The following GNL2 variants were observed in gnomAD, a reference collection of about 807,000 sequenced individuals.
The protein encoded by GNL2 is nucleolar GTP-binding protein 2.
In GNL2, 51 loss-of-function variants were observed where a neutral mutation model predicts 92.3. The observed-to-expected ratio is 0.55, with a 90% CI of 0.44 to 0.70. GNL2 has a LOEUF of 0.70. Ranked by LOEUF, GNL2 falls within the 30% of genes least tolerant of loss-of-function variation. GNL2 has a pLI of 0.00. For synonymous variants in GNL2, 283 were observed against 300.6 expected (o/e 0.94, Z 0.61); for missense variants, 844 against 895.6 (o/e 0.94, Z 0.74).
rs1046593003 is a variant in GNL2, at chr1:37,567,872, A to G, written c.1952-108T>C. The G allele has an allele frequency of 3.7e-6, 3 of 811,018 alleles. No homozygotes were observed. In the African/African-American group the frequency reaches 5.0e-5, roughly 14 times the overall value. The allele number at this position is 811,018 out of a possible 1,614,324, so 50.2% of individuals were successfully genotyped here. A position where few individuals can be genotyped will look rare whatever the true frequency, so the allele number is the denominator to read the frequency against. Reference sequence around the variant, plus strand: ...CAGGAGGAGGACACCCAATGTGGACAGAGCAGGTGAGCACAGTGGTGAGTA... The same window carrying G: ...CAGGAGGAGGACACCCAATGTGGACGGAGCAGGTGAGCACAGTGGTGAGTA... On this transcript the variant is annotated intron_variant, in intron 14 of 15. Transcript: ENST00000373062.
rs1009020085 is a variant in GNL2 at position 37,588,600 on chromosome 1, A to C, written c.385-1105T>G. 2.0e-5 allele frequency among the ~76,000 whole-genome samples: 3 copies of C among 152,212 alleles called. No homozygotes were observed. The South Asian group carries it at 6.2e-4, about 31-fold the overall frequency. On this transcript the variant is annotated intron_variant, in intron 4 of 15. Transcript: ENST00000373062. Reference sequence around the variant, plus strand: ...TTCAAAATCTCTTAACCTGTAAGTTACAGTACCCAAGGCTTTATGTCTATA... The same window carrying C: ...TTCAAAATCTCTTAACCTGTAAGTTCCAGTACCCAAGGCTTTATGTCTATA...
In GNL2 at chr1:37,574,837, G is replaced by A; in HGVS notation, c.1144-14C>T. On this transcript the variant is annotated splice_polypyrimidine_tract_variant and intron_variant, in intron 10 of 15. Coordinates refer to ENST00000373062, the MANE Select transcript of GNL2 (RefSeq NM_013285.3). ...TTCTACTTGAACCTAAATGTTAATAGGAAATCTCTCACTTACAAACTTTGT... is the reference window on the plus strand; with the variant it reads ...TTCTACTTGAACCTAAATGTTAATAAGAAATCTCTCACTTACAAACTTTGT... 1 of 1,592,014 alleles carries A rather than the reference G, an allele frequency of 6.3e-7. No homozygotes were observed. The highest frequency in any genetic ancestry group is 8.6e-7 in the Non-Finnish European group (1 of 1,162,232).
intron 8 of GNL2, chr1:37,581,241 T>C (rs1557641376): frequency 4.2e-5 from 17 of 404,618 alleles, no homozygotes; most frequent in South Asian, 2.9e-4. Flanking sequence ...ATTGGAAGCA[T>C]TTGCTTCTGT....
intron 4 of GNL2, among the ~76,000 whole-genome samples, chr1:37,589,007 C>T (rs897814799): frequency 1.3e-5 from 2 of 152,166 alleles, no homozygotes; most frequent in Non-Finnish European, 2.9e-5. Flanking sequence ...CAAGTACAGG[C>T]AACGAAGCAA....
chr1:37,581,667 A>ACCT (rs1553168796), intron 8 of GNL2: 7 of 366,862 alleles, frequency 1.9e-5, no homozygotes, highest in African/African-American at 1.3e-4. Flanking sequence ...AAGTTTTTAC[A>ACCT]TCTTCTTCTT....
chr1:37,568,074 A>G, intron 14 of GNL2: 1 of 595,666 alleles, frequency 1.7e-6, no homozygotes, highest in Non-Finnish European at 3.0e-6. Context: ...AGTTTCCTGA[A>G]TTGCCAATTT....
chr1:37,587,308 T>C lies in GNL2; in HGVS notation c.569+3A>G. The C allele has an allele frequency of 6.5e-7, 1 of 1,532,582 alleles. No homozygotes were observed. The highest frequency in any genetic ancestry group is 1.2e-5 in the South Asian group (1 of 80,928). The allele number at this position is 1,532,582 out of a possible 1,614,324, so 94.9% of individuals were successfully genotyped here. On this transcript the variant is annotated splice_donor_region_variant and intron_variant, in intron 5 of 15. Transcript: ENST00000373062. ...AAACAAAGAAGCAAAAAAAAAAATG[T>C]ACCTCACACCAGTGTCTTCAGTTAC... is the stretch of plus-strand genomic sequence containing the variant.
chr1:37,593,497 C>T (rs567072421), intron 2 of GNL2: 6 of 373,346 alleles, frequency 1.6e-5, no homozygotes, highest in African/African-American at 8.3e-5. Context: ...AGATTTAATG[C>T]GCCATTTGTG....
chr1:37,567,294 T>C (rs2148125722), intron 15 of GNL2, among the ~76,000 whole-genome samples: 1 of 152,276 alleles, frequency 6.6e-6, no homozygotes. Context: ...CAAGGCTGAG[T>C]GCTGCTAACC....
Position 37,585,350 on chromosome 1 carries a change from C to T in GNL2, c.570-1417G>A, listed in dbSNP as rs1046023386. Among the ~76,000 whole-genome samples the T allele has an allele frequency of 4.6e-5, 7 of 152,120 alleles. No individual in the cohort carries two copies. The South Asian group carries it at 8.3e-4, about 18-fold the overall frequency. On this transcript the variant is annotated intron_variant, in intron 5 of 15. Transcript: ENST00000373062. ...CTAGCATTACAGGTGTGAGCCACTG[C>T]GTCTGGCCACATTTTTTGTTACATA...
rs1643682382 is a variant in GNL2 at position 37,576,582 on chromosome 1, C to T, written c.910-26G>A. Reference sequence around the variant, plus strand: ...CTGTTCAAAGAGAGAATACACAGCACATACATGCAGTCATATATATCCCTT... The same window carrying T: ...CTGTTCAAAGAGAGAATACACAGCATATACATGCAGTCATATATATCCCTT... On this transcript the variant is annotated intron_variant, in intron 8 of 15. Transcript: ENST00000373062. 9 of 1,609,506 alleles carry T rather than the reference C, an allele frequency of 5.6e-6. No homozygotes were observed. In the East Asian group the frequency reaches 1.3e-4, roughly 24 times the overall value.
chr1:37,577,780 C>T (rs1416452565), intron 8 of GNL2, among the ~76,000 whole-genome samples: 2 of 152,296 alleles, frequency 1.3e-5, no homozygotes, highest in East Asian at 3.9e-4. Flanking sequence ...CCACACTTCT[C>T]CATCCCCTCC....
chr1:37,574,951 C>A, intron 10 of GNL2, 128 bp from the exon 11 acceptor site: 1 of 681,602 alleles, frequency 1.5e-6, no homozygotes, highest in South Asian at 1.9e-5. Context: ...TTGGCAGGAG[C>A]CTGTCTCTGA....
rs750809725 is a variant in GNL2 at position 37,574,395 on chromosome 1, C to T, written c.1364G>A (p.Arg455Gln). Residue 455 changes from arginine to glutamine, a missense_variant, in exon 12 of 16, where the codon CGG (arginine) becomes CAG (glutamine). Arg to Gln is a conservative substitution (Grantham distance 43). Coordinates refer to ENST00000373062, the MANE Select transcript of GNL2 (RefSeq NM_013285.3). ...GGGTGGCTTGACAAAGAAAGGAATC[C>T]GGCCCCTCTGCCAGTCATTGAGGAC... ...KMVLNDWQRG[R>Q]IPFFVKPPNA... 47 of 1,613,920 alleles carry T rather than the reference C, an allele frequency of 2.9e-5. No homozygotes were observed. In the East Asian group the frequency reaches 6.7e-4, roughly 23 times the overall value.
chr1:37,593,867 C>T, intron 1 of GNL2, 21 bp from the exon 2 acceptor site: 2 of 1,571,260 alleles, frequency 1.3e-6, no homozygotes, highest in Non-Finnish European at 1.8e-6. Flanking sequence ...CAGAAGTACA[C>T]AGTGCACTAT....
intron 4 of GNL2, among the ~76,000 whole-genome samples, chr1:37,589,193 C>T (rs1243101379): frequency 6.6e-6 from 1 of 152,208 alleles, no homozygotes; most frequent in African/African-American, 2.4e-5. Flanking sequence ...CTAATAGGTG[C>T]CATTCTTCTA....
intron 5 of GNL2, among the ~76,000 whole-genome samples, chr1:37,584,630 T>C (rs564441632): frequency 6.6e-6 from 1 of 152,160 alleles, no homozygotes; most frequent in Non-Finnish European, 1.5e-5. Flanking sequence ...GAAAGTAGAA[T>C]GTTGTTACCA....
intron 8 of GNL2, among the ~76,000 whole-genome samples, chr1:37,576,836 G>A (rs1258250983): frequency 1.3e-5 from 2 of 152,178 alleles, no homozygotes; most frequent in East Asian, 3.8e-4. Context: ...AGAAGGCTCG[G>A]CACAGTGGCT....
chr1:37,594,825 GCCA>G (rs1403676911), intron 1 of GNL2, among the ~76,000 whole-genome samples: 1 of 152,258 alleles, frequency 6.6e-6, no homozygotes, highest in Non-Finnish European at 1.5e-5. Context: ...ACAGGCGTGA[GCCA>G]CCACACCTGG....
Sources: allele counts gnomAD v4.1 joint callset (sites outside exome capture counted in the v4.1 genomes callset), GRCh38; gene constraint gnomAD v4.1.1; transcripts MANE v1.5; gene names NCBI Gene and HGNC (gene_info 2026-07-23, HGNC 2026-07-21).